Variants in NAV3 observed in about 807,000 individuals in gnomAD.
NAV3 encodes the protein pore membrane and/or filament interacting like protein 1.
A neutral mutation model predicts 244.7 loss-of-function variants in NAV3; 87 were observed. The observed-to-expected ratio is 0.36, with a 90% CI of 0.30 to 0.42. The LOEUF (loss-of-function observed/expected upper bound fraction) is 0.42, where lower values mean the gene tolerates loss of function less well. Ranked by LOEUF, NAV3 falls within the 20% of genes least tolerant of loss-of-function variation. The pLI is 1.00. For missense variants in NAV3, 2,663 were observed against 2,893.3 expected (o/e 0.92, Z 1.83); for synonymous variants, 1,126 against 1,042.2 (o/e 1.08, Z -1.55).
At chr12:77,654,159 C>T (rs1449011147) in intron 2 of NAV3, among the ~76,000 whole-genome samples, 1 of 152,166 alleles carries the variant, frequency 6.6e-6, no homozygotes, top group Non-Finnish European at 1.5e-5. Flanking sequence ...GGCATTGCCT[C>T]ACTCGGGACG....
At chr12:78,191,317 CAGAG>C (rs1005369371) in intron 34 of NAV3, among the ~76,000 whole-genome samples, 8 of 151,934 alleles carry the variant, frequency 5.3e-5, no homozygotes, top group Non-Finnish European at 7.4e-5. Context: ...GTGAGAGAGA[CAGAG>C]AGAACAGCGC....
intron 2 of NAV3, among the ~76,000 whole-genome samples, chr12:77,807,121 C>G (rs1223787880): frequency 6.6e-6 from 1 of 152,080 alleles, no homozygotes; most frequent in Non-Finnish European, 1.5e-5. Context: ...TGGGTCTTGA[C>G]TCTATCCAAT....
chr12:78,031,918 T>C (rs796737530), intron 9 of NAV3, among the ~76,000 whole-genome samples: 127 of 151,048 alleles, frequency 8.4e-4, no homozygotes, highest in African/African-American at 2.9e-3. Context: ...AAAAGAGAAG[T>C]GGTCTCTTTT....
intron 2 of NAV3, among the ~76,000 whole-genome samples, chr12:77,577,699 T>TTAATTATGACTGTAATTATAATGATAC (rs1869156986): frequency 6.6e-6 from 1 of 152,178 alleles, no homozygotes; most frequent in Admixed American, 6.5e-5. Context: ...TTAGTTGCCA[T>TTAATTATGACTGTAATTATAATGATAC]TAATTATGAC....
intron 1 of NAV3, among the ~76,000 whole-genome samples, chr12:77,919,173 A>T (rs1029155420): frequency 6.6e-6 from 1 of 152,084 alleles, no homozygotes; most frequent in Non-Finnish European, 1.5e-5. Flanking sequence ...CAAATATTTT[A>T]TGTCTATGGC....
intron 20 of NAV3, among the ~76,000 whole-genome samples, chr12:78,141,910 A>T (rs1438704248): frequency 6.6e-6 from 1 of 152,160 alleles, no homozygotes; most frequent in African/African-American, 2.4e-5. Context: ...CATCATTATT[A>T]TTCTAAATAC....
intron 1 of NAV3, among the ~76,000 whole-genome samples, chr12:77,859,862 C>T (rs1448329103): frequency 6.7e-6 from 1 of 149,400 alleles, no homozygotes; most frequent in Admixed American, 6.7e-5. Flanking sequence ...TGAATTTGAA[C>T]CCTGGCATGC....
At chr12:78,040,863 T>A (rs143649904) in intron 9 of NAV3, among the ~76,000 whole-genome samples, 1 of 152,368 alleles carries the variant, frequency 6.6e-6, no homozygotes, top group East Asian at 1.9e-4. Flanking sequence ...TCCCCTTCAC[T>A]ACTTATTTTG....
intron 9 of NAV3, among the ~76,000 whole-genome samples, chr12:78,049,471 C>T (rs1168738354): frequency 3.3e-5 from 5 of 152,202 alleles, no homozygotes; most frequent in Non-Finnish European, 5.9e-5. Flanking sequence ...GGGAGTTCCC[C>T]AACCCTTTGC....
At position 77,998,348 on chromosome 12, in the gene NAV3, C is replaced by G; in HGVS notation, c.752C>G (p.Pro251Arg). The change falls in exon 7 of 40, where the codon CCC (proline) becomes CGC (arginine). Residue 251 changes from proline to arginine, a missense_variant. Pro to Arg is a moderately radical substitution (Grantham distance 103). Coordinates refer to ENST00000397909, the MANE Select transcript of NAV3 (RefSeq NM_001024383.2). Reference sequence around the variant, plus strand: ...TTATACTATTTCAGGCTTCCAGGGCCCTCTAGGGTGCCTGCTGCAGGAAGC... The same window carrying G: ...TTATACTATTTCAGGCTTCCAGGGCGCTCTAGGGTGCCTGCTGCAGGAAGC... ...SQKKPTRLPG[P>R]SRVPAAGSSS... 6.3e-7 allele frequency: 1 copy of G among 1,585,270 alleles called. No homozygotes were observed.
intron 1 of NAV3, among the ~76,000 whole-genome samples, chr12:77,865,905 G>A (rs1173372237): frequency 6.9e-6 from 1 of 143,888 alleles, no homozygotes; most frequent in African/African-American, 2.5e-5. Flanking sequence ...AACATAGTGG[G>A]TAATCAACAT....
intron 1 of NAV3, among the ~76,000 whole-genome samples, chr12:77,834,249 CT>C (rs1874233946): frequency 6.6e-6 from 1 of 152,156 alleles, no homozygotes. Flanking sequence ...TCCCTGCCCC[CT>C]TCCTGTATCA....
At chr12:78,179,850 T>C (rs996774830) in intron 29 of NAV3, among the ~76,000 whole-genome samples, 168 bp downstream of exon 29, 1 of 152,146 alleles carries the variant, frequency 6.6e-6, no homozygotes, top group African/African-American at 2.4e-5. Context: ...TTGAGAATTT[T>C]GTCAAATCCA....
chr12:78,068,701 T>C (rs1436141652), intron 12 of NAV3, among the ~76,000 whole-genome samples: 1 of 148,948 alleles, frequency 6.7e-6, no homozygotes, highest in African/African-American at 2.4e-5. Flanking sequence ...AATCTGTCAT[T>C]ATCTTGAAAT....
intron 22 of NAV3, among the ~76,000 whole-genome samples, chr12:78,155,159 C>T (rs1957252161): frequency 6.6e-6 from 1 of 151,970 alleles, no homozygotes; most frequent in South Asian, 2.1e-4. Flanking sequence ...GCTATTCTTC[C>T]TGATTCTCTC....
At chr12:78,088,493 G>T (rs3911891) in intron 12 of NAV3, among the ~76,000 whole-genome samples, 18,071 of 152,022 alleles carry the variant, frequency 0.12, 1,197 homozygotes, top group Middle Eastern at 0.22. Flanking sequence ...CCCTTAGTTT[G>T]TTGACATGCG....
In NAV3 at chr12:77,811,994, ACTT is replaced by A. The variant is rs537947134; in HGVS notation, c.73-128320_73-128318del. ...ATTTTTATTTACCTTCACCCTTGAC[ACTT>A]CTTCATCGTATTCAGCAAATGAATA... On this transcript the variant is annotated intron_variant, in intron 2 of 8. Coordinates refer to the NAV3 transcript ENST00000550042. Among the ~76,000 whole-genome samples the A allele has an allele frequency of 7.9e-5, 12 of 152,300 alleles. No individual in the cohort carries two copies. The South Asian group carries it at 1.7e-3, about 21-fold the overall frequency.
At chr12:77,863,928 A>G (rs1458876992) in intron 1 of NAV3, among the ~76,000 whole-genome samples, 2 of 151,906 alleles carry the variant, frequency 1.3e-5, no homozygotes, top group African/African-American at 2.4e-5. Context: ...AGGGAGTCAT[A>G]CAGGGCAATC....
At position 78,190,107 on chromosome 12, in the gene NAV3, C is replaced by T. The variant is rs759931383; in HGVS notation, c.6179C>T (p.Thr2060Ile). The T allele has an allele frequency of 1.2e-6, 2 of 1,613,040 alleles. No homozygotes were observed. The change falls in exon 34 of 40, where the codon ACT becomes ATT. Residue 2060 changes from threonine to isoleucine, a missense_variant. Physicochemically the swap from Thr to Ile is moderately conservative, Grantham distance 89. Transcript: ENST00000397909. ...ATTATACTCTCAGGACCGAGTGGTACTGGAAAGACCTATTTGGCAAACAAA... is the reference window on the plus strand; with the variant it reads ...ATTATACTCTCAGGACCGAGTGGTATTGGAAAGACCTATTTGGCAAACAAA... ...HRIILSGPSG[T>I]GKTYLANKLA... is the part of the protein sequence containing the mutation.
Sources: allele counts gnomAD v4.1 joint callset (sites outside exome capture counted in the v4.1 genomes callset), GRCh38; gene constraint gnomAD v4.1.1; transcripts MANE v1.5; gene names NCBI Gene and HGNC (gene_info 2026-07-23, HGNC 2026-07-21).